TPH2: variants seen among roughly 807,000 people sequenced by gnomAD.
TPH2 encodes the protein tryptophan 5-hydroxylase 2.
Under a neutral mutation model 59.1 loss-of-function variants are expected in TPH2, and 27 were observed. That is an observed-to-expected ratio of 0.46 (90% CI 0.34 to 0.63). The LOEUF (loss-of-function observed/expected upper bound fraction) is 0.63, where lower values mean the gene tolerates loss of function less well. TPH2 is among the 30% of genes least tolerant of loss of function. TPH2 has a pLI of 0.01. For synonymous variants in TPH2, 220 were observed against 210.5 expected, an observed-to-expected ratio of 1.05 and a Z score of -0.39; for missense variants, 523 against 588.3, an observed-to-expected ratio of 0.89 and a Z score of 1.15.
chr12:71,951,702 A>ATG (rs147723226), intron 5 of TPH2, among the ~76,000 whole-genome samples: 48,511 of 148,884 alleles, frequency 0.33, 7,906 homozygotes, highest in East Asian at 0.47. Context: ...GTGTGTGTGC[A>ATG]TGTGTGTGTG....
rs1873733834 is a variant in TPH2, at chr12:72,031,885, C to A, written c.*190C>A. 1 of 657,240 alleles carries A rather than the reference C, an allele frequency of 1.5e-6. No homozygotes were observed. The highest frequency in any genetic ancestry group is 1.7e-5 in the South Asian group (1 of 57,180). The allele number at this position is 657,240 out of a possible 1,614,324, so 40.7% of individuals were successfully genotyped here. A position where few individuals can be genotyped will look rare whatever the true frequency, so the allele number is the denominator to read the frequency against. On this transcript the variant is annotated 3_prime_UTR_variant, in exon 11 of 11. Transcript: ENST00000333850. ...CCATAAGAAATCCAATGGCAGATAA[C>A]CACTCATTGTATGAAATAACGTATT...
chr12:72,001,580 G>T (rs1319992556), intron 8 of TPH2, among the ~76,000 whole-genome samples: 1 of 151,908 alleles, frequency 6.6e-6, no homozygotes, highest in Non-Finnish European at 1.5e-5. Flanking sequence ...CATGTGCCCG[G>T]CTAATTTTTG....
intron 7 of TPH2, among the ~76,000 whole-genome samples, chr12:71,990,119 C>T (rs1322470929): frequency 6.6e-6 from 1 of 152,060 alleles, no homozygotes; most frequent in Non-Finnish European, 1.5e-5. Flanking sequence ...AAAAAGTTTG[C>T]TGATGTAGAG....
At chr12:71,967,900 G>T (rs1592390911) in intron 5 of TPH2, among the ~76,000 whole-genome samples, 1 of 152,128 alleles carries the variant, frequency 6.6e-6, no homozygotes, top group Non-Finnish European at 1.5e-5. Flanking sequence ...TCTCAAACTT[G>T]ATTCAAAGTG....
At chr12:71,956,438 T>C (rs1179763047) in intron 5 of TPH2, among the ~76,000 whole-genome samples, 4 of 120,862 alleles carry the variant, frequency 3.3e-5, no homozygotes, top group Admixed American at 9.3e-5. Context: ...CTCCCTCCCT[T>C]CCTCCCTTCC....
intron 7 of TPH2, among the ~76,000 whole-genome samples, chr12:71,987,584 C>G (rs1004387327): frequency 1.3e-5 from 2 of 152,296 alleles, no homozygotes; most frequent in African/African-American, 4.8e-5. Context: ...TGCGGTGGCT[C>G]ACGCCTGTAA....
chr12:72,021,528 G>A (rs750753017), intron 8 of TPH2, among the ~76,000 whole-genome samples: 1 of 151,638 alleles, frequency 6.6e-6, no homozygotes, highest in Admixed American at 6.6e-5. Flanking sequence ...TTGGAATTTC[G>A]ATCTTTTCAA....
At chr12:71,954,571 C>A (rs911259994) in intron 5 of TPH2, among the ~76,000 whole-genome samples, 1 of 152,072 alleles carries the variant, frequency 6.6e-6, no homozygotes, top group East Asian at 1.9e-4. Context: ...GTGTGGGGGG[C>A]AGATAGCCTG....
At position 71,940,999 on chromosome 12, in the gene TPH2, A is replaced by G. The variant is rs534358844; in HGVS notation, c.106-585A>G. Among the ~76,000 whole-genome samples the G allele has an allele frequency of 3.3e-5, 5 of 152,278 alleles. No individual in the cohort carries two copies. In the East Asian group the frequency reaches 5.8e-4, roughly 18 times the overall value. The stretch of plus-strand genomic sequence containing the variant: ...CAGATGGCCTTAGAGTTAGTTATAC[A>G]TGTGTCTGTGCTGAACTTTTGCAGG... On this transcript the variant is annotated intron_variant, in intron 1 of 10. Coordinates refer to ENST00000333850, the MANE Select transcript of TPH2 (RefSeq NM_173353.4).
At chr12:71,953,131 A>T (rs1482111568) in intron 5 of TPH2, among the ~76,000 whole-genome samples, 2 of 150,860 alleles carry the variant, frequency 1.3e-5, no homozygotes, top group African/African-American at 4.9e-5. Flanking sequence ...CATAAAAAGC[A>T]GTCATATTCC....
chr12:71,997,316 C>T (rs1162722675), intron 8 of TPH2, among the ~76,000 whole-genome samples: 2 of 152,136 alleles, frequency 1.3e-5, no homozygotes, highest in Admixed American at 6.5e-5. Context: ...ATAATCTTCC[C>T]GTCTCACTAT....
chr12:72,028,434 T>C (rs759124060), intron 9 of TPH2, among the ~76,000 whole-genome samples: 2 of 152,104 alleles, frequency 1.3e-5, no homozygotes, highest in African/African-American at 4.8e-5. Flanking sequence ...CATTGGGCAA[T>C]AGAAGTTGGA....
intron 4 of TPH2, among the ~76,000 whole-genome samples, chr12:71,945,620 C>G (rs937329054): frequency 6.6e-6 from 1 of 152,050 alleles, no homozygotes; most frequent in Non-Finnish European, 1.5e-5. Context: ...TCTCTAAGTG[C>G]GACCCCAACA....
At chr12:71,958,339 TG>T (rs1159456437) in intron 5 of TPH2, among the ~76,000 whole-genome samples, 1 of 152,236 alleles carries the variant, frequency 6.6e-6, no homozygotes. Context: ...TTTTCTTTTT[TG>T]TTTTCTGAAG....
At chr12:72,004,724 A>G (rs1334789718) in intron 8 of TPH2, among the ~76,000 whole-genome samples, 7 of 152,236 alleles carry the variant, frequency 4.6e-5, no homozygotes. Flanking sequence ...TAGCAAAAGC[A>G]GAAAGAAGAT....
intron 7 of TPH2, among the ~76,000 whole-genome samples, chr12:71,984,109 A>G (rs4760750): frequency 1.3e-5 from 2 of 151,980 alleles, no homozygotes; most frequent in Non-Finnish European, 2.9e-5. Context: ...TTCAGGGCAC[A>G]AGTGACTAAT....
chr12:71,982,015 A>ATTTTTTTT lies in TPH2; in HGVS notation c.941+2938_941+2945dup, dbSNP rs781612841. 1.0e-3 allele frequency among the ~76,000 whole-genome samples: 63 copies of ATTTTTTTT among 60,494 alleles called. 11 individuals carry two copies. The highest frequency in any genetic ancestry group is 2.0e-3 in the Admixed American group (11 of 5,450). 39.7% of individuals were successfully genotyped at this position (60,494 alleles called of 152,430 possible). On this transcript the variant is annotated intron_variant, in intron 7 of 10. Transcript: ENST00000333850. Reference sequence around the variant, plus strand: ...TTTTTGTGGGTTTCATATCATTCGTATTTTTTTTTTTTTTTTTAGACAGAG... The same window carrying ATTTTTTTT: ...TTTTTGTGGGTTTCATATCATTCGTATTTTTTTTTTTTTTTTTTTTTTTTTAGACAGAG...
At chr12:71,959,101 C>G (rs931855366) in intron 5 of TPH2, among the ~76,000 whole-genome samples, 2 of 149,970 alleles carry the variant, frequency 1.3e-5, no homozygotes, top group Non-Finnish European at 3.0e-5. Flanking sequence ...GCTTATACTG[C>G]CAAGTACTAC....
chr12:71,949,488 T>C, intron 4 of TPH2, 100 bp from the exon 5 acceptor site: 1 of 955,598 alleles, frequency 1.0e-6, no homozygotes, highest in South Asian at 1.3e-5. Flanking sequence ...AAGATTTACA[T>C]ATGAATTGAA....
Sources: allele counts gnomAD v4.1 joint callset (sites outside exome capture counted in the v4.1 genomes callset), GRCh38; gene constraint gnomAD v4.1.1; transcripts MANE v1.5; gene names NCBI Gene and HGNC (gene_info 2026-07-23, HGNC 2026-07-21).